PTCD1: variants seen among roughly 807,000 people sequenced by gnomAD.
PTCD1 encodes the protein pentatricopeptide repeat domain 1.
In PTCD1, 50 loss-of-function variants were observed where a neutral mutation model predicts 53.4. That is an observed-to-expected ratio of 0.94 (90% CI 0.75 to 1.19). The LOEUF is 1.19. Among genes scored for constraint, PTCD1 ranks in the 50% most tolerant of loss-of-function variants. PTCD1 has a pLI of 0.00. For synonymous variants in PTCD1, 413 were observed against 394.8 expected (o/e 1.05, Z -0.55); for missense variants, 918 against 904.8 (o/e 1.01, Z -0.19).
At chr7:99,427,681 AAG>A (rs1418931766) in intron 5 of PTCD1, among the ~76,000 whole-genome samples, 1 of 152,102 alleles carries the variant, frequency 6.6e-6, no homozygotes, top group Non-Finnish European at 1.5e-5. Context: ...AGGTGGGGAA[AAG>A]ATTGAGAAAT....
At chr7:99,423,633 TG>T in intron 7 of PTCD1, 141 bp downstream of exon 7, 1 of 1,322,442 alleles carries the variant, frequency 7.6e-7, no homozygotes, top group Non-Finnish European at 1.1e-6. Context: ...TCTACAGACT[TG>T]GGTACTGCTC....
Position 99,419,538 on chromosome 7 carries a change from T to A in PTCD1, c.*429A>T. 7.1e-7 allele frequency: 1 copy of A among 1,408,788 alleles called. No homozygotes were observed. The highest frequency in any genetic ancestry group is 1.4e-5 in the African/African-American group (1 of 70,714). 87.3% of individuals were successfully genotyped at this position (1,408,788 alleles called of 1,614,324 possible). A position where few individuals can be genotyped will look rare whatever the true frequency, so the allele number is the denominator to read the frequency against. ...CAGCGAGCAGTGCCCCAGGCCCGAG[T>A]TGGAGCACGGTCTCTATGGGGAAGG... On this transcript the variant is annotated 3_prime_UTR_variant, in exon 8 of 8. Transcript: ENST00000292478.
In PTCD1 at chr7:99,423,734, T is replaced by C. The variant is rs371090415; in HGVS notation, c.1920+41A>G. On this transcript the variant is annotated intron_variant, in intron 7 of 7. Transcript: ENST00000292478. ...GGGTGGTGGGGGGAGGGGGTAGCAA[T>C]GGTGAAGGAGCTGATGAGCTTTTGA... The C allele has an allele frequency of 6.2e-6, 10 of 1,611,886 alleles. No individual in the cohort carries two copies. In the African/African-American group the frequency reaches 1.1e-4, roughly 17 times the overall value.
At chr7:99,423,039 CTT>C (rs1795885922) in intron 7 of PTCD1, among the ~76,000 whole-genome samples, 1 of 150,674 alleles carries the variant, frequency 6.6e-6, no homozygotes, top group South Asian at 2.1e-4. Context: ...GGCGAGAGCT[CTT>C]CTTTCTTTCG....
At chr7:99,420,866 G>A (rs1053732714) in intron 7 of PTCD1, among the ~76,000 whole-genome samples, 2 of 152,038 alleles carry the variant, frequency 1.3e-5, no homozygotes, top group African/African-American at 4.8e-5. Flanking sequence ...AGAATGGCTT[G>A]AACCCGGGAG....
chr7:99,426,725 A>T (rs1379268038), intron 5 of PTCD1, among the ~76,000 whole-genome samples: 1 of 146,690 alleles, frequency 6.8e-6, no homozygotes, highest in Non-Finnish European at 1.5e-5. Context: ...CCATCTAGGA[A>T]GTGAGGAGCG....
At chr7:99,428,920 C>A (rs554559495) in intron 5 of PTCD1, among the ~76,000 whole-genome samples, 183 bp downstream of exon 5, 273 of 152,204 alleles carry the variant, frequency 1.8e-3, no homozygotes, top group Middle Eastern at 6.8e-3. Flanking sequence ...CTCATTCCAT[C>A]TCCAAGGGCC....
chr7:99,429,257 G>T, intron 4 of PTCD1, 53 bp from the exon 5 acceptor site: 1 of 1,600,252 alleles, frequency 6.2e-7, no homozygotes, highest in Non-Finnish European at 8.6e-7. Flanking sequence ...GGCTGGGCAT[G>T]GTAGCTCATG....
At chr7:99,432,027 T>C (rs2150958277) in intron 3 of PTCD1, among the ~76,000 whole-genome samples, 1 of 152,230 alleles carries the variant, frequency 6.6e-6, no homozygotes, top group African/African-American at 2.4e-5. Context: ...CAATCTCGAG[T>C]ACCCAGGGAC....
Position 99,420,071 on chromosome 7 carries a change from C to A in PTCD1, c.1999G>T (p.Ala667Ser), listed in dbSNP as rs199655168. The A allele has an allele frequency of 3.1e-6, 5 of 1,614,220 alleles. No individual in the cohort carries two copies. Among genetic ancestry groups the A allele is most frequent in the Non-Finnish European group, 4.2e-6 (5 of 1,180,032 alleles). The change falls in exon 8 of 8, where the codon GCA becomes TCA. Residue 667 changes from alanine to serine, a missense_variant. Coordinates refer to ENST00000292478, the MANE Select transcript of PTCD1 (RefSeq NM_015545.4). ...TGCCAGGGGTGCGGGGTTTCCTCTG[C>A]GGGCATCACTGTCAGCCACTGCTTG... Reference protein sequence around the residue: ...YYKQWLTVMPAEETPHPWQKF... With the variant: ...YYKQWLTVMPSEETPHPWQKF...
In PTCD1 at chr7:99,419,126, T is replaced by C. The variant is rs889181280; in HGVS notation, c.*841A>G. On this transcript the variant is annotated 3_prime_UTR_variant, in exon 8 of 8. Coordinates refer to ENST00000292478, the MANE Select transcript of PTCD1 (RefSeq NM_015545.4). Reference sequence around the variant, plus strand: ...AACGAGACTCATTCACACCGATTTCTTTTTCTTGATTGGCAAACGTGTGTT... The same window carrying C: ...AACGAGACTCATTCACACCGATTTCCTTTTCTTGATTGGCAAACGTGTGTT... The C allele has an allele frequency of 9.4e-6, 5 of 533,266 alleles. No individual in the cohort carries two copies. Among genetic ancestry groups the C allele is most frequent in the Non-Finnish European group, 1.7e-5 (5 of 295,988 alleles). The allele number at this position is 533,266 out of a possible 1,614,324, so 33.0% of individuals were successfully genotyped here.
chr7:99,426,526 A>T (rs1796031435), intron 5 of PTCD1, among the ~76,000 whole-genome samples: 2 of 152,068 alleles, frequency 1.3e-5, no homozygotes, highest in Admixed American at 6.6e-5. Flanking sequence ...CAGTGGCGTG[A>T]TCTCGGCTCG....
rs557169969 is a variant in PTCD1 at position 99,424,567 on chromosome 7, G to A, written c.1737+228C>T. Among the ~76,000 whole-genome samples the A allele has an allele frequency of 7.9e-5, 12 of 152,260 alleles. No individual in the cohort carries two copies. The South Asian group carries it at 1.0e-3, about 13-fold the overall frequency. On this transcript the variant is annotated intron_variant, in intron 6 of 7. Coordinates refer to ENST00000292478, the MANE Select transcript of PTCD1 (RefSeq NM_015545.4). ...TGTCAACCCACGGCCACCTTCTTCC[G>A]GATGGGAACATCCGTGTGTCTCTAC...
chr7:99,417,800 C>T lies in PTCD1; in HGVS notation c.*2167G>A, dbSNP rs1368299180. The stretch of plus-strand genomic sequence containing the variant: ...GCTGTGTGTTTGTTAGGTCTGGGGT[C>T]AATCTCAACTCCACTTTTGGGCAAA... On this transcript the variant is annotated 3_prime_UTR_variant, in exon 8 of 8. Coordinates refer to ENST00000292478, the MANE Select transcript of PTCD1 (RefSeq NM_015545.4). 3 of 1,515,224 alleles carry T rather than the reference C, an allele frequency of 2.0e-6. No individual in the cohort carries two copies. 93.9% of individuals were successfully genotyped at this position (1,515,224 alleles called of 1,614,324 possible). A position where few individuals can be genotyped will look rare whatever the true frequency, so the allele number is the denominator to read the frequency against.
At chr7:99,436,645 C>T (rs1796477081) in intron 1 of PTCD1, among the ~76,000 whole-genome samples, 1 of 152,132 alleles carries the variant, frequency 6.6e-6, no homozygotes, top group Non-Finnish European at 1.5e-5. Context: ...AAACAAAAAA[C>T]TAGGCCCAGC....
At chr7:99,428,985 A>C in intron 5 of PTCD1, 118 bp downstream of exon 5, 1 of 1,270,738 alleles carries the variant, frequency 7.9e-7, no homozygotes, top group South Asian at 1.3e-5. Flanking sequence ...GGTTTTCAGA[A>C]AAGAGCACAG....
intron 7 of PTCD1, among the ~76,000 whole-genome samples, chr7:99,422,607 A>C (rs1257444876): frequency 6.6e-6 from 1 of 152,214 alleles, no homozygotes; most frequent in Admixed American, 6.5e-5. Flanking sequence ...TTTCTTTTCT[A>C]ACAAAGAGCA....
In PTCD1 at chr7:99,417,529, T is replaced by C; in HGVS notation, c.*2438A>G. On this transcript the variant is annotated 3_prime_UTR_variant, in exon 8 of 8. Coordinates refer to ENST00000292478, the MANE Select transcript of PTCD1 (RefSeq NM_015545.4). ...AGAACTTGTGCTGCCTGCGGTGCAT[T>C]CAGACACGGGACACCAACTTCGGGA... is the stretch of plus-strand genomic sequence containing the variant. The C allele has an allele frequency of 6.2e-7, 1 of 1,611,956 alleles. No homozygotes were observed. The highest frequency in any genetic ancestry group is 2.2e-5 in the East Asian group (1 of 44,864).
At position 99,435,112 on chromosome 7, in the gene PTCD1, G is replaced by A. The variant is rs34452317; in HGVS notation, c.131C>T (p.Ala44Val). The change falls in exon 2 of 8, where the codon GCG becomes GTG. Residue 44 changes from alanine (A) to valine (V), a missense_variant. By Grantham distance (64) the Ala-to-Val change is moderately conservative. Transcript: ENST00000292478. Reference protein sequence around the residue: ...GREGLMRPMWAPFSSSSSQLP... With the variant: ...GREGLMRPMWVPFSSSSSQLP... ...CTGAGAGGAGGAGCTGCTGAAGGGC[G>A]CCCACATTGGCCGCATCAGCCCCTC... The A allele has an allele frequency of 2.4e-3, 3,824 of 1,603,532 alleles. 68 individuals are homozygous for A. The African/African-American group carries it at 0.045, about 19-fold the overall frequency.
Sources: allele counts gnomAD v4.1 joint callset (sites outside exome capture counted in the v4.1 genomes callset), GRCh38; gene constraint gnomAD v4.1.1; transcripts MANE v1.5; gene names NCBI Gene and HGNC (gene_info 2026-07-23, HGNC 2026-07-21).